FMN1: variants seen among roughly 807,000 people sequenced by gnomAD.
FMN1 encodes the protein formin 1.
FMN1 carries 110 observed loss-of-function variants against 132.4 expected under a neutral mutation model. The ratio of observed to expected loss-of-function variants is 0.83; its 90% confidence interval spans 0.71 to 0.97. FMN1 has a LOEUF of 0.97. Among genes scored for constraint, FMN1 ranks in the 50% least tolerant of loss-of-function variants. The pLI is 0.00. For synonymous variants in FMN1, 722 were observed against 651.7 expected, an observed-to-expected ratio of 1.11 and a Z score of -1.64; for missense variants, 1,792 against 1,705.3, an observed-to-expected ratio of 1.05 and a Z score of -0.90.
intron 9 of FMN1, among the ~76,000 whole-genome samples, chr15:32,941,298 A>G (rs916799678): frequency 1.3e-5 from 2 of 152,168 alleles, no homozygotes; most frequent in Non-Finnish European, 2.9e-5. Context: ...TGCTTATCCA[A>G]TGTTACTCTG....
chr15:32,933,899 C>A (rs1567420233), intron 9 of FMN1, among the ~76,000 whole-genome samples: 1 of 152,116 alleles, frequency 6.6e-6, no homozygotes, highest in Non-Finnish European at 1.5e-5. Flanking sequence ...CTATTATAGA[C>A]AGCATATAGT....
Position 32,926,958 on chromosome 15 carries a change from A to T in FMN1, c.3139-697T>A, listed in dbSNP as rs537934601. Among the ~76,000 whole-genome samples, 27 of 152,016 alleles carry T rather than the reference A, an allele frequency of 1.8e-4. No individual in the cohort carries two copies. In the East Asian group the frequency reaches 5.0e-3, roughly 28 times the overall value. ...CGCCACCACACCCAGCTAATTTTTA[A>T]ATTTTTTTATAGAGACAAGGTCTCC... On this transcript the variant is annotated intron_variant, in intron 9 of 20. Transcript: ENST00000616417.
At chr15:33,118,928 A>T (rs1962289928) in intron 4 of FMN1, among the ~76,000 whole-genome samples, 1 of 152,162 alleles carries the variant, frequency 6.6e-6, no homozygotes, top group Non-Finnish European at 1.5e-5. Flanking sequence ...AAAAAAAAAA[A>T]AATTAGACAC....
chr15:32,961,570 A>C (rs1265697597), intron 9 of FMN1, among the ~76,000 whole-genome samples: 1 of 152,136 alleles, frequency 6.6e-6, no homozygotes, highest in Non-Finnish European at 1.5e-5. Context: ...AAATAAGAAA[A>C]ACTAACCAAC....
intron 17 of FMN1, among the ~76,000 whole-genome samples, chr15:32,823,881 C>T (rs557588524): frequency 1.4e-4 from 22 of 152,188 alleles, no homozygotes; most frequent in South Asian, 4.1e-4. Context: ...CAGGCTTCTG[C>T]GAACTCACAA....
intron 15 of FMN1, among the ~76,000 whole-genome samples, chr15:32,890,622 TCTTA>T (rs2060004607): frequency 6.6e-6 from 1 of 152,198 alleles, no homozygotes; most frequent in Non-Finnish European, 1.5e-5. Context: ...ATTGTTCTTT[TCTTA>T]CTGATTTGAG....
In FMN1 at chr15:33,067,317, T is replaced by C. The variant is rs372116657; in HGVS notation, c.2044-2243A>G. On this transcript the variant is annotated intron_variant, in intron 5 of 20. Transcript: ENST00000616417. The stretch of plus-strand genomic sequence containing the variant: ...CCATTCATTTCCCCAGTGACAGTAT[T>C]TTCCCTGAAACCTCCTGGGTTTTCT... 3.1e-6 allele frequency: 5 copies of C among 1,613,840 alleles called. No individual in the cohort carries two copies. The highest frequency in any genetic ancestry group is 4.2e-6 in the Non-Finnish European group (5 of 1,179,892).
chr15:32,857,909 T>C (rs1317544245), intron 16 of FMN1, among the ~76,000 whole-genome samples: 1 of 152,198 alleles, frequency 6.6e-6, no homozygotes, highest in East Asian at 1.9e-4. Flanking sequence ...CCTATGTGTT[T>C]GTGCCAGTTA....
intron 4 of FMN1, among the ~76,000 whole-genome samples, chr15:33,118,252 G>C (rs116980703): frequency 0.017 from 2,526 of 152,178 alleles, 25 homozygotes; most frequent in Middle Eastern, 0.041. Flanking sequence ...CAATTATATC[G>C]TAAGAGATTT....
chr15:33,192,108 T>C (rs1966100233), intron 2 of FMN1, among the ~76,000 whole-genome samples: 1 of 152,200 alleles, frequency 6.6e-6, no homozygotes, highest in Non-Finnish European at 1.5e-5. Flanking sequence ...GAATAAAGTT[T>C]TAATAAGAAA....
At position 33,128,002 on chromosome 15, in the gene FMN1, G is replaced by T. The variant is rs574546794; in HGVS notation, c.1867+25046C>A. Among the ~76,000 whole-genome samples, 3 of 152,232 alleles carry T rather than the reference G, an allele frequency of 2.0e-5. No individual in the cohort carries two copies. The South Asian group carries it at 6.2e-4, about 32-fold the overall frequency. ...GGTAACAGAAGGGCAACGGGGGAAG[G>T]GGAAAATAGACAAATCATAGCAGAA... On this transcript the variant is annotated intron_variant, in intron 4 of 20. Coordinates refer to ENST00000616417, the MANE Select transcript of FMN1 (RefSeq NM_001277313.2).
In FMN1 at chr15:33,154,383, T is replaced by C. The variant is rs1595575448; in HGVS notation, c.532A>G (p.Lys178Glu). 2 of 1,536,088 alleles carry C rather than the reference T, an allele frequency of 1.3e-6. No homozygotes were observed. The highest frequency in any genetic ancestry group is 1.7e-6 in the Non-Finnish European group (2 of 1,146,940). Reference protein sequence around the residue: ...SFGALPQKRTKRKGRGGRESA... With the variant: ...SFGALPQKRTERKGRGGRESA... ...TCTCGGCCTCCACGCCCTTTTCTTT[T>C]GGTCCTCTTCTGTGGAAGGGCCCCA... Residue 178 changes from lysine (K) to glutamate (E), a missense_variant, in exon 4 of 21, where the codon AAA becomes GAA. Physicochemically the swap from Lys to Glu is moderately conservative, Grantham distance 56. This residue lies in a region of FMN1 where 638 missense variants were observed against 645.2 expected (regional missense o/e 0.99). Coordinates refer to ENST00000616417, the MANE Select transcript of FMN1 (RefSeq NM_001277313.2).
At chr15:32,993,746 C>T (rs1463705314) in intron 7 of FMN1, among the ~76,000 whole-genome samples, 3 of 152,042 alleles carry the variant, frequency 2.0e-5, no homozygotes, top group Non-Finnish European at 2.9e-5. Flanking sequence ...CCCTCAGCAC[C>T]GGTAGAAAGG....
At chr15:33,026,156 C>A (rs1450986417) in intron 6 of FMN1, among the ~76,000 whole-genome samples, 1 of 141,604 alleles carries the variant, frequency 7.1e-6, no homozygotes, top group Non-Finnish European at 1.5e-5. Flanking sequence ...AAACAGCAAC[C>A]CACAGAGTTC....
intron 17 of FMN1, among the ~76,000 whole-genome samples, chr15:32,832,192 T>C (rs1219419321): frequency 6.6e-6 from 1 of 152,220 alleles, no homozygotes; most frequent in Admixed American, 6.5e-5. Flanking sequence ...CAGCGATTTG[T>C]TATGCAAATA....
chr15:32,786,498 T>C (rs539587556), intron 19 of FMN1, among the ~76,000 whole-genome samples: 25 of 152,252 alleles, frequency 1.6e-4, no homozygotes, highest in African/African-American at 6.0e-4. Context: ...AAGGGGTATA[T>C]AGAGCTTCAA....
At position 32,932,185 on chromosome 15, in the gene FMN1, G is replaced by A. The variant is rs978188401; in HGVS notation, c.3139-5924C>T. 4.6e-5 allele frequency among the ~76,000 whole-genome samples: 7 copies of A among 152,114 alleles called. No homozygotes were observed. The East Asian group carries it at 1.2e-3, about 25-fold the overall frequency. On this transcript the variant is annotated intron_variant, in intron 9 of 20. Transcript: ENST00000616417. Reference sequence around the variant, plus strand: ...AGGCCGAGGTAGGCGGATCACTTGAGGTCAGGAGTTAGAGACCAGCCTGGC... The same window carrying A: ...AGGCCGAGGTAGGCGGATCACTTGAAGTCAGGAGTTAGAGACCAGCCTGGC...
intron 5 of FMN1, among the ~76,000 whole-genome samples, chr15:33,074,924 G>A (rs2141292923): frequency 6.6e-6 from 1 of 150,410 alleles, no homozygotes; most frequent in South Asian, 2.1e-4. Flanking sequence ...GGGAGGCTGA[G>A]GCAGGAGAAT....
At chr15:32,991,126 C>T (rs1307782516) in intron 7 of FMN1, among the ~76,000 whole-genome samples, 2 of 152,144 alleles carry the variant, frequency 1.3e-5, no homozygotes, top group Non-Finnish European at 1.5e-5. Context: ...CCAAACCTAA[C>T]AACCAAGCAA....
Sources: allele counts gnomAD v4.1 joint callset (sites outside exome capture counted in the v4.1 genomes callset), GRCh38; gene constraint gnomAD v4.1.1; regional missense constraint gnomAD v4.1.1; transcripts MANE v1.5; gene names NCBI Gene and HGNC (gene_info 2026-07-23, HGNC 2026-07-21).